PRKG1: variants seen among roughly 807,000 people sequenced by gnomAD.
PRKG1 encodes cGMP-dependent protein kinase 1.
A neutral mutation model predicts 88.1 loss-of-function variants in PRKG1; 35 were observed. The observed-to-expected ratio is 0.40, with a 90% CI of 0.30 to 0.53. The LOEUF is 0.53. Ranked by LOEUF, PRKG1 falls within the 20% of genes least tolerant of loss-of-function variation. The probability of loss-of-function intolerance (pLI) is 0.59; values close to 1 mark genes in which losing one functional copy is unlikely to be tolerated. For missense variants in PRKG1, 540 were observed against 839.8 expected (o/e 0.64, Z 4.41); for synonymous variants, 303 against 292.5 (o/e 1.04, Z -0.37).
chr10:51,616,926 G>T (rs142471837), intron 3 of PRKG1, among the ~76,000 whole-genome samples: 253 of 152,250 alleles, frequency 1.7e-3, no homozygotes, highest in African/African-American at 5.8e-3. Flanking sequence ...TACTTTGCTT[G>T]TGCCTCATCT....
At chr10:51,446,989 C>T (rs1839291659) in intron 2 of PRKG1, among the ~76,000 whole-genome samples, 1 of 152,004 alleles carries the variant, frequency 6.6e-6, no homozygotes, top group Admixed American at 6.6e-5. Flanking sequence ...ATCTGCAAGC[C>T]TCTTTCTAGA....
At chr10:51,903,246 C>G (rs1589406153) in intron 4 of PRKG1, among the ~76,000 whole-genome samples, 1 of 151,942 alleles carries the variant, frequency 6.6e-6, no homozygotes, top group East Asian at 1.9e-4. Flanking sequence ...CAGATTTTGA[C>G]TGGACTTGGT....
Position 51,816,958 on chromosome 10 carries a change from T to C in PRKG1, c.698+12268T>C, listed in dbSNP as rs564811498. On this transcript the variant is annotated intron_variant, in intron 4 of 17. Coordinates refer to ENST00000373980, the MANE Select transcript of PRKG1 (RefSeq NM_006258.4). ...CCTTGCAGGATGGATTTACTTGTTT[T>C]ATTTTTTAAAGAAATTAAATACATT... 3.2e-4 allele frequency among the ~76,000 whole-genome samples: 49 copies of C among 152,318 alleles called. No individual in the cohort carries two copies. The South Asian group carries it at 0.01, about 32-fold the overall frequency.
rs142784154 is a variant in PRKG1 at position 52,157,306 on chromosome 10, G to GATATATAT, written c.1002-4558_1002-4551dup. On this transcript the variant is annotated intron_variant, in intron 8 of 17. Transcript: ENST00000373980. ...TATATATATTGTGTGTGAGTTAGTT[G>GATATATAT]ATATATATATATATATATATATATA... Among the ~76,000 whole-genome samples, 889 of 125,786 alleles carry GATATATAT rather than the reference G, an allele frequency of 7.1e-3. 16 individuals carry two copies. The highest frequency in any genetic ancestry group is 0.023 in the African/African-American group (789 of 34,708). 82.5% of individuals were successfully genotyped at this position (125,786 alleles called of 152,430 possible). A position where few individuals can be genotyped will look rare whatever the true frequency, so the allele number is the denominator to read the frequency against.
At chr10:51,918,745 G>A (rs989127904) in intron 5 of PRKG1, among the ~76,000 whole-genome samples, 16 of 152,142 alleles carry the variant, frequency 1.1e-4, no homozygotes, top group Admixed American at 3.3e-4. Context: ...CCATTTGATA[G>A]CATCTGAGCA....
rs1479286039 is a variant in PRKG1 at position 52,293,925 on chromosome 10, C to G, written c.*25C>G. ...ATGTATTTCTCTTACCTGCTTCTGC[C>G]TTGCTGAAGACAGCTTTTTCTGAGA... On this transcript the variant is annotated 3_prime_UTR_variant, in exon 18 of 18. Coordinates refer to ENST00000373980, the MANE Select transcript of PRKG1 (RefSeq NM_006258.4). 1 of 1,572,418 alleles carries G rather than the reference C, an allele frequency of 6.4e-7. No individual in the cohort carries two copies. Among genetic ancestry groups the G allele is most frequent in the Non-Finnish European group, 8.7e-7 (1 of 1,144,736 alleles).
At chr10:51,170,028 G>T (rs1353779348) in intron 2 of PRKG1, among the ~76,000 whole-genome samples, 1 of 151,908 alleles carries the variant, frequency 6.6e-6, no homozygotes, top group Non-Finnish European at 1.5e-5. Flanking sequence ...GTAGAAGTTG[G>T]CTCTTCTAAG....
chr10:51,944,724 T>C (rs1296731498), intron 5 of PRKG1, among the ~76,000 whole-genome samples: 1 of 152,098 alleles, frequency 6.6e-6, no homozygotes, highest in Non-Finnish European at 1.5e-5. Flanking sequence ...CCAGCAGTCA[T>C]TCAGGAGCAG....
intron 5 of PRKG1, among the ~76,000 whole-genome samples, chr10:51,921,323 G>A (rs560178556): frequency 6.6e-6 from 1 of 152,108 alleles, no homozygotes; most frequent in East Asian, 1.9e-4. Context: ...CAATTATTTG[G>A]AATTCTCTAC....
At chr10:52,249,011 TCCTTCCCTCCCCTTCCCTCC>T (rs1286404617) in intron 9 of PRKG1, among the ~76,000 whole-genome samples, 37 of 5,678 alleles carry the variant, frequency 6.5e-3, no homozygotes, top group Admixed American at 0.012. Context: ...TCCCCCCGCC[TCCTTCCCTCCCCTTCCCTCC>T]CCTTCCCTCC....
intron 1 of PRKG1, among the ~76,000 whole-genome samples, chr10:51,057,546 A>C (rs2073717166): frequency 6.6e-6 from 1 of 152,172 alleles, no homozygotes; most frequent in Non-Finnish European, 1.5e-5. Flanking sequence ...AGCCTTCCTC[A>C]TGCCATTTCC....
chr10:52,054,342 A>T, intron 5 of PRKG1, 142 bp from the exon 6 acceptor site: 1 of 621,314 alleles, frequency 1.6e-6, no homozygotes, highest in Non-Finnish European at 2.8e-6. Context: ...ACTAATATTC[A>T]TTATTAAATC....
intron 1 of PRKG1, among the ~76,000 whole-genome samples, chr10:51,057,021 T>C (rs1400038288): frequency 1.3e-5 from 2 of 152,240 alleles, no homozygotes; most frequent in Non-Finnish European, 2.9e-5. Flanking sequence ...TGAATGTGTA[T>C]ACATGAAAAT....
intron 9 of PRKG1, among the ~76,000 whole-genome samples, chr10:52,230,576 A>C (rs180813761): frequency 1.3e-5 from 2 of 152,326 alleles, no homozygotes. Context: ...TCTGAAGAAG[A>C]CTGGCTCCAG....
intron 8 of PRKG1, among the ~76,000 whole-genome samples, chr10:52,150,471 C>G (rs1456804773): frequency 6.6e-6 from 1 of 152,060 alleles, no homozygotes; most frequent in Non-Finnish European, 1.5e-5. Context: ...TTTGTACAAT[C>G]CTAATACATG....
In PRKG1 at chr10:51,721,212, T is replaced by TAAAAAAAAAA. The variant is rs55873432; in HGVS notation, c.593-83362_593-83353dup. Among the ~76,000 whole-genome samples the TAAAAAAAAAA allele has an allele frequency of 5.2e-4, 63 of 121,830 alleles. 3 individuals carry two copies. In the Middle Eastern group the frequency reaches 0.012, roughly 23 times the overall value. The allele number at this position is 121,830 out of a possible 152,430, so 79.9% of individuals were successfully genotyped here. ...CTCTGGGTGACAGAGCAAGACCTATTAAAAAAAAAAAAAAAAAAAAGAAAA... is the reference window on the plus strand; with the variant it reads ...CTCTGGGTGACAGAGCAAGACCTATTAAAAAAAAAAAAAAAAAAAAAAAAAAAAAAGAAAA... On this transcript the variant is annotated intron_variant, in intron 3 of 17. Transcript: ENST00000373980.
intron 3 of PRKG1, among the ~76,000 whole-genome samples, chr10:51,561,643 T>G (rs1837464308): frequency 1.4e-5 from 2 of 147,844 alleles, no homozygotes; most frequent in African/African-American, 5.0e-5. Context: ...GAAGAAGGGG[T>G]GGGGAGAGGA....
At chr10:51,573,978 C>A (rs1172538588) in intron 3 of PRKG1, among the ~76,000 whole-genome samples, 2 of 151,882 alleles carry the variant, frequency 1.3e-5, no homozygotes, top group African/African-American at 2.4e-5. Flanking sequence ...CTTACCACAA[C>A]ATTAGGCAAT....
chr10:52,082,418 C>T (rs1341278147), intron 7 of PRKG1, among the ~76,000 whole-genome samples: 1 of 152,146 alleles, frequency 6.6e-6, no homozygotes, highest in Non-Finnish European at 1.5e-5. Flanking sequence ...ACAGCCAGCT[C>T]TCTGTAGGAC....
Sources: gnomAD v4.1 joint callset for allele counts (sites outside exome capture counted in the v4.1 genomes callset) on GRCh38, gnomAD v4.1.1 for gene constraint, MANE v1.5 for transcripts, NCBI Gene and HGNC (gene_info 2026-07-23, HGNC 2026-07-21) for gene names.